MED13L: variants seen among roughly 807,000 people sequenced by gnomAD.
The protein encoded by MED13L is mediator of RNA polymerase II transcription subunit 13-like.
A neutral mutation model predicts 220.9 loss-of-function variants in MED13L; 7 were observed. The observed-to-expected ratio is 0.03, with a 90% CI of 0.02 to 0.06. MED13L has a LOEUF of 0.06. Ranked by LOEUF, MED13L falls within the 10% of genes least tolerant of loss-of-function variation. The pLI is 1.00. For missense variants in MED13L, 1,965 were observed against 2,760.5 expected (o/e 0.71, Z 6.46); for synonymous variants, 1,011 against 1,015.2 (o/e 1.00, Z 0.08).
intron 1 of MED13L, among the ~76,000 whole-genome samples, chr12:116,266,304 A>C (rs995088282): frequency 1.3e-5 from 2 of 152,210 alleles, no homozygotes; most frequent in African/African-American, 4.8e-5. Context: ...GGGAAGTGCT[A>C]AAATGCAAAG....
At chr12:116,271,605 C>A (rs1230445072) in intron 1 of MED13L, among the ~76,000 whole-genome samples, 1 of 146,316 alleles carries the variant, frequency 6.8e-6, no homozygotes, top group Non-Finnish European at 1.5e-5. Context: ...CAGCCTGGGC[C>A]ACAGAGCCAG....
At chr12:116,099,087 A>G (rs1872845483) in intron 3 of MED13L, among the ~76,000 whole-genome samples, 1 of 152,232 alleles carries the variant, frequency 6.6e-6, no homozygotes, top group African/African-American at 2.4e-5. Flanking sequence ...TAGCAGTAAT[A>G]AAAGATGAGT....
intron 2 of MED13L, among the ~76,000 whole-genome samples, chr12:116,222,697 T>C (rs1868556637): frequency 1.3e-5 from 2 of 152,188 alleles, no homozygotes; most frequent in Admixed American, 6.5e-5. Flanking sequence ...GCAAGCATCG[T>C]TGGAGAAGAT....
chr12:116,249,829 T>C (rs1871366533), intron 1 of MED13L, among the ~76,000 whole-genome samples: 1 of 73,932 alleles, frequency 1.4e-5, no homozygotes, highest in Admixed American at 1.3e-4. Flanking sequence ...AAACAAAACA[T>C]AATAAACAAG....
intron 2 of MED13L, among the ~76,000 whole-genome samples, chr12:116,114,688 G>T (rs1342615272): frequency 6.6e-6 from 1 of 152,088 alleles, no homozygotes; most frequent in Non-Finnish European, 1.5e-5. Flanking sequence ...CATATGACAC[G>T]ACTGTCTATC....
intron 4 of MED13L, among the ~76,000 whole-genome samples, chr12:116,041,648 T>C (rs1881537298): frequency 6.6e-6 from 1 of 152,138 alleles, no homozygotes; most frequent in African/African-American, 2.4e-5. Flanking sequence ...ATCAAGACCA[T>C]CCTGGCTAAC....
intron 2 of MED13L, among the ~76,000 whole-genome samples, chr12:116,131,539 G>T (rs1174390545): frequency 2.0e-5 from 3 of 152,080 alleles, no homozygotes; most frequent in African/African-American, 7.2e-5. Flanking sequence ...CATTACGCTG[G>T]GCACAATGTC....
At chr12:116,008,172 T>C (rs1879168674) in intron 10 of MED13L, 3 of 549,062 alleles carry the variant, frequency 5.5e-6, no homozygotes, top group East Asian at 5.9e-5. Flanking sequence ...ATTTGGAGTG[T>C]ACTTAAATGG....
intron 2 of MED13L, among the ~76,000 whole-genome samples, chr12:116,154,163 A>G (rs1184707577): frequency 6.6e-6 from 1 of 152,158 alleles, no homozygotes; most frequent in African/African-American, 2.4e-5. Flanking sequence ...TGTGACTCTT[A>G]ATTCCCCACT....
At chr12:116,179,904 G>A (rs1005652823) in intron 2 of MED13L, among the ~76,000 whole-genome samples, 1 of 152,136 alleles carries the variant, frequency 6.6e-6, no homozygotes. Context: ...CTATTAAAAG[G>A]AGTGTAAGTA....
At chr12:116,172,693 T>C (rs927605567) in intron 2 of MED13L, among the ~76,000 whole-genome samples, 3 of 152,138 alleles carry the variant, frequency 2.0e-5, no homozygotes, top group Admixed American at 2.0e-4. Flanking sequence ...ACTTTGCATC[T>C]GCATGACTTA....
intron 2 of MED13L, among the ~76,000 whole-genome samples, chr12:116,182,663 C>T (rs1471483050): frequency 6.6e-6 from 1 of 152,184 alleles, no homozygotes; most frequent in Non-Finnish European, 1.5e-5. Flanking sequence ...TCTCACTCTC[C>T]ACTGTATCAA....
intron 1 of MED13L, among the ~76,000 whole-genome samples, chr12:116,253,296 GT>G (rs1388091444): frequency 6.8e-6 from 1 of 147,132 alleles, no homozygotes; most frequent in African/African-American, 2.5e-5. Context: ...AAAAAAAGAC[GT>G]GGAATTCATG....
chr12:116,242,691 C>G (rs1470716662), intron 1 of MED13L, among the ~76,000 whole-genome samples: 2 of 152,152 alleles, frequency 1.3e-5, no homozygotes, highest in African/African-American at 4.8e-5. Flanking sequence ...GAGCACCATA[C>G]TAGTGACTTC....
intron 1 of MED13L, among the ~76,000 whole-genome samples, chr12:116,258,680 G>A (rs891072644): frequency 2.0e-5 from 3 of 151,622 alleles, no homozygotes; most frequent in Non-Finnish European, 4.4e-5. Flanking sequence ...AGGAGGCTGA[G>A]GCGGGAGAAT....
At chr12:115,986,879 A>G (rs78335237) in intron 18 of MED13L, among the ~76,000 whole-genome samples, 1 of 152,222 alleles carries the variant, frequency 6.6e-6, no homozygotes, top group South Asian at 2.1e-4. Context: ...AATCTAAAAA[A>G]TGCACTTTTT....
intron 2 of MED13L, among the ~76,000 whole-genome samples, chr12:116,149,227 A>T (rs1471523313): frequency 6.6e-6 from 1 of 152,156 alleles, no homozygotes; most frequent in Non-Finnish European, 1.5e-5. Context: ...ATTCTTGATT[A>T]TGTTTATATT....
chr12:116,256,249 C>A (rs1417019057), intron 1 of MED13L, among the ~76,000 whole-genome samples: 1 of 145,742 alleles, frequency 6.9e-6, no homozygotes, highest in East Asian at 2.0e-4. Flanking sequence ...TCACAGCCAA[C>A]AGCAAATTGT....
chr12:115,992,557 T>A (rs993517097), intron 16 of MED13L, among the ~76,000 whole-genome samples: 2 of 152,194 alleles, frequency 1.3e-5, no homozygotes, highest in African/African-American at 4.8e-5. Context: ...TTTATAGTAA[T>A]GAGTGACCAT....
Sources: gnomAD v4.1 joint callset for allele counts (sites outside exome capture counted in the v4.1 genomes callset) on GRCh38, gnomAD v4.1.1 for gene constraint, MANE v1.5 for transcripts, NCBI Gene and HGNC (gene_info 2026-07-23, HGNC 2026-07-21) for gene names.